SCCPDH: variants seen among roughly 807,000 people sequenced by gnomAD.
SCCPDH encodes saccharopine dehydrogenase-like oxidoreductase.
In SCCPDH, 34 loss-of-function variants were observed where a neutral mutation model predicts 51.5. That is an observed-to-expected ratio of 0.66 (90% CI 0.50 to 0.88). SCCPDH has a LOEUF of 0.88. Among genes scored for constraint, SCCPDH ranks in the 40% least tolerant of loss-of-function variants. SCCPDH has a pLI of 0.00. For missense variants in SCCPDH, 464 were observed against 527.1 expected, an observed-to-expected ratio of 0.88 and a Z score of 1.17; for synonymous variants, 187 against 191.3, an observed-to-expected ratio of 0.98 and a Z score of 0.19.
At chr1:246,726,038 T>C (rs1356505546) in intron 1 of SCCPDH, among the ~76,000 whole-genome samples, 3 of 152,034 alleles carry the variant, frequency 2.0e-5, no homozygotes, top group Non-Finnish European at 4.4e-5. Flanking sequence ...CTAATTTTTT[T>C]AGTAGAGACG....
At chr1:246,749,036 T>C (rs1668811700) in intron 5 of SCCPDH, among the ~76,000 whole-genome samples, 1 of 152,238 alleles carries the variant, frequency 6.6e-6, no homozygotes, top group African/African-American at 2.4e-5. Context: ...AATATCAGGC[T>C]GGAGGCCACA....
intron 5 of SCCPDH, among the ~76,000 whole-genome samples, chr1:246,751,954 T>A (rs1049874665): frequency 1.5e-5 from 2 of 130,308 alleles, no homozygotes; most frequent in Admixed American, 7.3e-5. Context: ...TTTTTTTTTG[T>A]ATTTTTTTAG....
At chr1:246,726,003 T>C (rs2102978297) in intron 1 of SCCPDH, among the ~76,000 whole-genome samples, 1 of 152,296 alleles carries the variant, frequency 6.6e-6, no homozygotes, top group East Asian at 1.9e-4. Context: ...TAGCTGGGAC[T>C]AGAGGCGCCC....
chr1:246,756,268 A>C (rs1668931078), intron 5 of SCCPDH, among the ~76,000 whole-genome samples: 1 of 152,196 alleles, frequency 6.6e-6, no homozygotes, highest in African/African-American at 2.4e-5. Flanking sequence ...GAAACAGGCA[A>C]AACTAATTGT....
At chr1:246,739,630 T>A (rs1668648833) in intron 3 of SCCPDH, among the ~76,000 whole-genome samples, 1 of 152,238 alleles carries the variant, frequency 6.6e-6, no homozygotes, top group Non-Finnish European at 1.5e-5. Flanking sequence ...GTAAAAGATG[T>A]TAAAAATAGA....
chr1:246,733,525 G>C (rs966791922), intron 2 of SCCPDH, among the ~76,000 whole-genome samples: 2 of 149,440 alleles, frequency 1.3e-5, no homozygotes, highest in African/African-American at 2.5e-5. Flanking sequence ...TTTTTTCTTA[G>C]AGAAATGGGG....
In SCCPDH at chr1:246,767,506, A is replaced by G. The variant is rs528751138; in HGVS notation, c.*206A>G. On this transcript the variant is annotated 3_prime_UTR_variant, in exon 12 of 12. Transcript: ENST00000366510. ...ATTTTGTGATTTTATTGCTTATAAC[A>G]GAGAACTCATATTTGACATATTTTT... 6 of 360,146 alleles carry G rather than the reference A, an allele frequency of 1.7e-5. No individual in the cohort carries two copies. The highest frequency in any genetic ancestry group is 8.4e-5 in the African/African-American group (4 of 47,536). The allele number at this position is 360,146 out of a possible 1,614,324, so 22.3% of individuals were successfully genotyped here. A position where few individuals can be genotyped will look rare whatever the true frequency, so the allele number is the denominator to read the frequency against.
intron 5 of SCCPDH, chr1:246,755,930 A>C (rs1245993959): frequency 6.6e-6 from 1 of 152,176 alleles, no homozygotes; most frequent in African/African-American, 2.4e-5. Flanking sequence ...GGGACAATTG[A>C]GTATCTACTT....
chr1:246,744,040 T>G, intron 4 of SCCPDH, 36 bp from the exon 5 acceptor site: 1 of 1,311,290 alleles, frequency 7.6e-7, no homozygotes, highest in Non-Finnish European at 1.1e-6. Flanking sequence ...TAGATGTTAT[T>G]TTATTTTGCT....
intron 5 of SCCPDH, among the ~76,000 whole-genome samples, chr1:246,748,819 C>T (rs944854878): frequency 6.6e-6 from 1 of 152,204 alleles, no homozygotes; most frequent in South Asian, 2.1e-4. Flanking sequence ...GAAGGGATGG[C>T]CAACTGGACT....
At chr1:246,742,381 T>G (rs1558169427) in intron 4 of SCCPDH, among the ~76,000 whole-genome samples, 1 of 152,176 alleles carries the variant, frequency 6.6e-6, no homozygotes, top group Non-Finnish European at 1.5e-5. Flanking sequence ...TGTTTAAAAT[T>G]TTTTTCAGAT....
At position 246,764,113 on chromosome 1, in the gene SCCPDH, G is replaced by C. The variant is rs1669056412; in HGVS notation, c.991-133G>C. ...TTCGCTCCCTGCTTAAATGATGACG[G>C]GATATTCTGGCAGATAAAATAATGT... On this transcript the variant is annotated intron_variant, in intron 9 of 11. Coordinates refer to ENST00000366510, the MANE Select transcript of SCCPDH (RefSeq NM_016002.3). 6.3e-5 allele frequency: 36 copies of C among 566,984 alleles called. No individual in the cohort carries two copies. In the South Asian group the frequency reaches 9.2e-4, roughly 15 times the overall value. The allele number at this position is 566,984 out of a possible 1,614,324, so 35.1% of individuals were successfully genotyped here.
At chr1:246,760,670 A>G (rs1668999372) in intron 9 of SCCPDH, among the ~76,000 whole-genome samples, 1 of 152,130 alleles carries the variant, frequency 6.6e-6, no homozygotes, top group Non-Finnish European at 1.5e-5. Context: ...TGTGTCCAGC[A>G]TCCCCAACAA....
At chr1:246,765,772 G>A (rs190496139) in intron 10 of SCCPDH, among the ~76,000 whole-genome samples, 39 of 152,314 alleles carry the variant, frequency 2.6e-4, no homozygotes, top group African/African-American at 7.9e-4. Flanking sequence ...CTACCTGTTA[G>A]TTTGGACAAG....
intron 5 of SCCPDH, among the ~76,000 whole-genome samples, chr1:246,745,723 T>C (rs1277733571): frequency 6.6e-6 from 1 of 152,108 alleles, no homozygotes; most frequent in Non-Finnish European, 1.5e-5. Flanking sequence ...GTATGTAAAA[T>C]ATGCTAAAAT....
intron 5 of SCCPDH, among the ~76,000 whole-genome samples, chr1:246,754,154 C>T (rs1453558237): frequency 1.3e-5 from 2 of 152,040 alleles, no homozygotes; most frequent in Non-Finnish European, 2.9e-5. Flanking sequence ...CAGAGTATCC[C>T]GACCACCGAG....
intron 5 of SCCPDH, among the ~76,000 whole-genome samples, chr1:246,745,255 A>G (rs1668740357): frequency 6.6e-6 from 1 of 152,248 alleles, no homozygotes; most frequent in Non-Finnish European, 1.5e-5. Context: ...TTATGACAAT[A>G]CTTTTATGCT....
At chr1:246,742,666 G>A (rs1668698356) in intron 4 of SCCPDH, among the ~76,000 whole-genome samples, 1 of 152,152 alleles carries the variant, frequency 6.6e-6, no homozygotes. Context: ...CTTTGTTGAT[G>A]ACGTGGTTAT....
intron 9 of SCCPDH, 81 bp from the exon 10 acceptor site, chr1:246,764,165 G>C: frequency 1.3e-6 from 1 of 791,872 alleles, no homozygotes; most frequent in Non-Finnish European, 2.1e-6. Context: ...TGTCTCACTT[G>C]AAATAGAATA....
Sources: gnomAD v4.1 joint callset for allele counts (sites outside exome capture counted in the v4.1 genomes callset) on GRCh38, gnomAD v4.1.1 for gene constraint, MANE v1.5 for transcripts, NCBI Gene and HGNC (gene_info 2026-07-23, HGNC 2026-07-21) for gene names.